The following DLG2 variants were observed in gnomAD, a reference collection of about 807,000 sequenced individuals.
DLG2 encodes the protein discs large MAGUK scaffold protein 2.
In DLG2, 45 loss-of-function variants were observed where a neutral mutation model predicts 132.5. The ratio of observed to expected loss-of-function variants is 0.34; its 90% CI spans 0.27 to 0.44. DLG2 has a LOEUF of 0.44. Among genes scored for constraint, DLG2 ranks in the 20% least tolerant of loss-of-function variants. DLG2 has a pLI of 1.00. For missense variants in DLG2, 1,045 were observed against 1,196.9 expected, an observed-to-expected ratio of 0.87 and a Z score of 1.87; for synonymous variants, 424 against 419.6, an observed-to-expected ratio of 1.01 and a Z score of -0.13.
At chr11:83,747,326 T>TCCTTCCTG (rs2092993398) in intron 18 of DLG2, among the ~76,000 whole-genome samples, 3 of 97,112 alleles carry the variant, frequency 3.1e-5, no homozygotes, top group African/African-American at 1.1e-4. Flanking sequence ...CTTCCTTCCT[T>TCCTTCCTG]CCTGCCTTCC....
At chr11:85,502,433 A>T (rs904717279) in intron 3 of DLG2, among the ~76,000 whole-genome samples, 4 of 151,898 alleles carry the variant, frequency 2.6e-5, no homozygotes, top group Non-Finnish European at 5.9e-5. Flanking sequence ...AAAAGAAAAA[A>T]AATGTGGCAC....
At chr11:84,789,585 T>A (rs1482821261) in intron 6 of DLG2, among the ~76,000 whole-genome samples, 1 of 152,180 alleles carries the variant, frequency 6.6e-6, no homozygotes, top group Non-Finnish European at 1.5e-5. Context: ...TTTAGTTATT[T>A]TTAAATGTGC....
intron 18 of DLG2, among the ~76,000 whole-genome samples, chr11:83,777,037 G>T (rs1182444240): frequency 6.6e-6 from 1 of 152,124 alleles, no homozygotes; most frequent in East Asian, 1.9e-4. Context: ...GGAAGGAAGG[G>T]GCCATGTCTA....
chr11:84,120,350 C>A (rs1179761183), intron 9 of DLG2, among the ~76,000 whole-genome samples: 1 of 152,036 alleles, frequency 6.6e-6, no homozygotes, highest in African/African-American at 2.4e-5. Flanking sequence ...TCTTGTCTAC[C>A]CCATTTATTT....
At chr11:85,617,614 T>C (rs117575744) in intron 2 of DLG2, among the ~76,000 whole-genome samples, 403 of 152,326 alleles carry the variant, frequency 2.6e-3, no homozygotes, top group South Asian at 4.3e-3. Flanking sequence ...AATGATTGAA[T>C]AAATAAATGA....
intron 3 of DLG2, among the ~76,000 whole-genome samples, chr11:85,517,575 A>C (rs1467974447): frequency 6.6e-6 from 1 of 152,186 alleles, no homozygotes; most frequent in Non-Finnish European, 1.5e-5. Context: ...TCAGGATACA[A>C]AATCAATGTA....
At chr11:84,225,892 C>A (rs1369997957) in intron 8 of DLG2, among the ~76,000 whole-genome samples, 1 of 151,952 alleles carries the variant, frequency 6.6e-6, no homozygotes, top group Non-Finnish European at 1.5e-5. Context: ...CTCACTGTAA[C>A]CTCCTCTTCC....
intron 21 of DLG2, among the ~76,000 whole-genome samples, chr11:83,486,671 A>G (rs1356851364): frequency 6.6e-6 from 1 of 152,154 alleles, no homozygotes; most frequent in Non-Finnish European, 1.5e-5. Context: ...AAGAACAGAA[A>G]ATACACACTA....
At chr11:84,741,957 A>G (rs985706383) in intron 6 of DLG2, among the ~76,000 whole-genome samples, 2 of 152,112 alleles carry the variant, frequency 1.3e-5, no homozygotes, top group African/African-American at 4.8e-5. Context: ...GAGAAACTCA[A>G]CAAAGAGATA....
intron 16 of DLG2, among the ~76,000 whole-genome samples, chr11:83,850,147 TG>T (rs1316621374): frequency 1.3e-4 from 17 of 133,016 alleles, no homozygotes; most frequent in African/African-American, 1.3e-4. Context: ...TGTGTGTGTG[TG>T]TGTGTGTGTG....
intron 2 of DLG2, among the ~76,000 whole-genome samples, chr11:85,604,756 T>C (rs556140158): frequency 3.9e-5 from 6 of 152,312 alleles, no homozygotes; most frequent in East Asian, 1.9e-4. Flanking sequence ...GGATAGTGAA[T>C]GTTACATAAT....
At chr11:85,269,593 G>C (rs1029948296) in intron 4 of DLG2, among the ~76,000 whole-genome samples, 1 of 152,154 alleles carries the variant, frequency 6.6e-6, no homozygotes, top group Non-Finnish European at 1.5e-5. Flanking sequence ...AGAATAATGA[G>C]ACTGTATATG....
chr11:85,094,157 G>T (rs567302963), intron 6 of DLG2, among the ~76,000 whole-genome samples: 1 of 152,280 alleles, frequency 6.6e-6, no homozygotes, highest in East Asian at 1.9e-4. Context: ...ATTATGATTG[G>T]CACTACAGTA....
chr11:84,195,188 G>A (rs1446027730), intron 8 of DLG2, among the ~76,000 whole-genome samples: 1 of 152,032 alleles, frequency 6.6e-6, no homozygotes, highest in Non-Finnish European at 1.5e-5. Flanking sequence ...TTTTTGAGAT[G>A]GAGTCCCACT....
intron 5 of DLG2, among the ~76,000 whole-genome samples, chr11:85,117,134 T>C (rs2073720980): frequency 6.6e-6 from 1 of 152,034 alleles, no homozygotes; most frequent in South Asian, 2.1e-4. Context: ...GGAGCCATTG[T>C]AACACCTGTC....
At chr11:84,134,659 T>G (rs558231834) in intron 9 of DLG2, among the ~76,000 whole-genome samples, 1 of 151,840 alleles carries the variant, frequency 6.6e-6, no homozygotes, top group East Asian at 1.9e-4. Flanking sequence ...TTACATCACA[T>G]GTAGTCTTGT....
At chr11:84,731,941 T>G (rs1413953878) in intron 6 of DLG2, among the ~76,000 whole-genome samples, 1 of 152,022 alleles carries the variant, frequency 6.6e-6, no homozygotes, top group Non-Finnish European at 1.5e-5. Context: ...TCATACTCTT[T>G]CCCAATCCCC....
Position 84,420,650 on chromosome 11 carries a change from C to CTTTTTTTTTTTTTT in DLG2, c.519+113906_519+113919dup, listed in dbSNP as rs768420271. Among the ~76,000 whole-genome samples the CTTTTTTTTTTTTTT allele has an allele frequency of 5.8e-3, 246 of 42,234 alleles. 104 individuals carry two copies. The highest frequency in any genetic ancestry group is 9.8e-3 in the East Asian group (9 of 918). 27.7% of individuals were successfully genotyped at this position (42,234 alleles called of 152,430 possible). ...CAGCACAGTGACCAATGCTTGTTTT[C>CTTTTTTTTTTTTTT]TTTTTTTTTTTTTTTTTTTTTTTTT... On this transcript the variant is annotated intron_variant, in intron 7 of 27. Coordinates refer to ENST00000376104, the MANE Select transcript of DLG2 (RefSeq NM_001142699.3).
chr11:83,709,120 A>G (rs925860755), intron 18 of DLG2, among the ~76,000 whole-genome samples: 5 of 152,026 alleles, frequency 3.3e-5, no homozygotes, highest in African/African-American at 7.3e-5. Flanking sequence ...GTAGCTGCCA[A>G]TAATATTCAT....
Sources: gnomAD v4.1 joint callset for allele counts (sites outside exome capture counted in the v4.1 genomes callset) on GRCh38, gnomAD v4.1.1 for gene constraint, MANE v1.5 for transcripts, NCBI Gene and HGNC (gene_info 2026-07-23, HGNC 2026-07-21) for gene names.